The following C9 variants were observed in gnomAD, a reference collection of about 807,000 sequenced individuals.
C9 encodes complement C9.
C9 carries 63 observed loss-of-function variants against 65.4 expected under a neutral mutation model. The observed-to-expected ratio is 0.96, with a 90% CI of 0.79 to 1.19. C9 has a LOEUF of 1.19. C9 is among the 50% of genes most tolerant of loss of function. C9 has a pLI of 0.00. For missense variants in C9, 744 were observed against 670.1 expected, an observed-to-expected ratio of 1.11 and a Z score of -1.22; for synonymous variants, 229 against 227.9, an observed-to-expected ratio of 1.00 and a Z score of -0.04.
chr5:39,306,582 A>C (rs781203587), intron 9 of C9, 35 bp downstream of exon 9: 12 of 1,523,722 alleles, frequency 7.9e-6, no homozygotes, highest in Non-Finnish European at 1.1e-5. Context: ...AAAAAATGAC[A>C]CAGTCTTCTG....
chr5:39,304,648 T>G (rs1031753017), intron 9 of C9, among the ~76,000 whole-genome samples: 1 of 152,178 alleles, frequency 6.6e-6, no homozygotes, highest in African/African-American at 2.4e-5. Context: ...ATTTAAAAAG[T>G]GGTCCATAGT....
rs73078514 is a variant in C9 at position 39,330,653 on chromosome 5, G to T, written c.615+1023C>A. 3.3e-5 allele frequency among the ~76,000 whole-genome samples: 5 copies of T among 152,266 alleles called. No homozygotes were observed. In the East Asian group the frequency reaches 9.6e-4, roughly 29 times the overall value. On this transcript the variant is annotated intron_variant, in intron 5 of 10. Coordinates refer to ENST00000263408, the MANE Select transcript of C9 (RefSeq NM_001737.5). Reference sequence around the variant, plus strand: ...ATCACAAAAATCTGTGCTTAAAGAAGTTTAACCTGGCATTATTGGGGAAAA... The same window carrying T: ...ATCACAAAAATCTGTGCTTAAAGAATTTTAACCTGGCATTATTGGGGAAAA...
intron 1 of C9, among the ~76,000 whole-genome samples, chr5:39,347,758 G>C (rs1377986278): frequency 6.6e-6 from 1 of 152,092 alleles, no homozygotes; most frequent in African/African-American, 2.4e-5. Context: ...CATGCTACCT[G>C]ACTTCAAACT....
At position 39,311,302 on chromosome 5, in the gene C9, T is replaced by A; in HGVS notation, c.946A>T (p.Thr316Ser). 1.2e-6 allele frequency: 2 copies of A among 1,613,674 alleles called. No homozygotes were observed. Among genetic ancestry groups the A allele is most frequent in the Non-Finnish European group, 1.7e-6 (2 of 1,179,618 alleles). The change falls in exon 7 of 11, where the codon ACA becomes TCA. Residue 316 changes from threonine to serine, a missense_variant. Thr to Ser is a moderately conservative substitution (Grantham distance 58). Transcript: ENST00000263408. Reference protein sequence around the residue: ...FVMRNRDVVLTTTFVDDIKAL... With the variant: ...FVMRNRDVVLSTTFVDDIKAL... ...TTTATATCATCCACAAAAGTTGTTG[T>A]GAGCACAACATCGCGATTTCTCATT...
At chr5:39,328,483 T>A (rs926886050) in intron 5 of C9, among the ~76,000 whole-genome samples, 1 of 152,218 alleles carries the variant, frequency 6.6e-6, no homozygotes, top group Non-Finnish European at 1.5e-5. Context: ...TTCTCTTTAG[T>A]GTTCAGCAGT....
At chr5:39,302,867 A>G (rs1331340347) in intron 9 of C9, among the ~76,000 whole-genome samples, 1 of 152,212 alleles carries the variant, frequency 6.6e-6, no homozygotes, top group Non-Finnish European at 1.5e-5. Context: ...CCAATCAGGT[A>G]GAAGAACTCA....
intron 1 of C9, among the ~76,000 whole-genome samples, chr5:39,344,916 A>G (rs1030404220): frequency 3.3e-5 from 5 of 152,222 alleles, no homozygotes; most frequent in African/African-American, 1.2e-4. Context: ...ATATCCAGCC[A>G]AACTAAGCTT....
At chr5:39,359,611 G>A (rs1754479042) in intron 1 of C9, among the ~76,000 whole-genome samples, 1 of 152,130 alleles carries the variant, frequency 6.6e-6, no homozygotes, top group East Asian at 1.9e-4. Context: ...TTCAGTAAAA[G>A]GGAGGTATTG....
intron 5 of C9, among the ~76,000 whole-genome samples, chr5:39,326,975 G>A (rs1040842593): frequency 1.3e-5 from 2 of 151,510 alleles, no homozygotes; most frequent in Non-Finnish European, 2.9e-5. Flanking sequence ...ATCTAGCATA[G>A]TATACAATAT....
intron 5 of C9, among the ~76,000 whole-genome samples, chr5:39,316,655 A>C (rs1282321387): frequency 6.6e-6 from 1 of 152,160 alleles, no homozygotes; most frequent in African/African-American, 2.4e-5. Flanking sequence ...GCTCCATCCA[A>C]GTCCCTGCAA....
chr5:39,341,235 T>G lies in C9; in HGVS notation c.387A>C (p.Ser129=), dbSNP rs147450097. 4.3e-3 allele frequency: 6,888 copies of G among 1,614,184 alleles called. 25 individuals are homozygous for G. The highest frequency in any genetic ancestry group is 4.6e-3 in the Non-Finnish European group (5,439 of 1,180,026). The stretch of plus-strand genomic sequence containing the variant: ...GCTCACTTTCACAATCATCCTCATC[T>G]GAAAAGTCTCCGCAGTCATTGTCAC... The part of the protein sequence containing the change: ...CNGDNDCGDF[S]DEDDCESEPR... The change falls in exon 4 of 11, where the codon TCA becomes TCC. Residue 129 remains serine (S), a synonymous_variant. Transcript: ENST00000263408.
At chr5:39,335,171 C>A (rs981808972) in intron 4 of C9, among the ~76,000 whole-genome samples, 2 of 152,150 alleles carry the variant, frequency 1.3e-5, no homozygotes, top group African/African-American at 2.4e-5. Flanking sequence ...GCTACTTTAA[C>A]AGAGACATTG....
At chr5:39,319,182 T>A (rs907298780) in intron 5 of C9, among the ~76,000 whole-genome samples, 1 of 152,180 alleles carries the variant, frequency 6.6e-6, no homozygotes, top group African/African-American at 2.4e-5. Context: ...GGAAAGCCCC[T>A]CCTGATATAA....
intron 1 of C9, among the ~76,000 whole-genome samples, chr5:39,355,401 G>T (rs190288768): frequency 2.0e-5 from 3 of 152,000 alleles, no homozygotes; most frequent in African/African-American, 7.2e-5. Flanking sequence ...ATAGGACCTC[G>T]TTGACTATGT....
At chr5:39,355,444 C>A (rs1231347320) in intron 1 of C9, among the ~76,000 whole-genome samples, 1 of 120,302 alleles carries the variant, frequency 8.3e-6, no homozygotes, top group Non-Finnish European at 1.9e-5. Context: ...TAGCTTCTAA[C>A]CCAAGGACTC....
chr5:39,294,697 T>C (rs1423532882), intron 9 of C9, among the ~76,000 whole-genome samples: 2 of 151,554 alleles, frequency 1.3e-5, no homozygotes, highest in East Asian at 3.9e-4. Context: ...TGAAGGGAAC[T>C]CTTCCTAACT....
intron 3 of C9, 46 bp downstream of exon 3, chr5:39,341,509 GA>G: frequency 1.2e-6 from 2 of 1,602,366 alleles, no homozygotes; most frequent in South Asian, 1.1e-5. Context: ...TTTCATTCAG[GA>G]AGGCACACAG....
rs1351250624 is a variant in C9 at position 39,364,474 on chromosome 5, G to T, written c.-10C>A. ...TCCGGCAGGCTGACATGCTGCTCTT[G>T]CTGGGTGGCTGCGAGTGGGGTGGCA... is the stretch of plus-strand genomic sequence containing the variant. On this transcript the variant is annotated 5_prime_UTR_variant, in exon 1 of 11. Coordinates refer to ENST00000263408, the MANE Select transcript of C9 (RefSeq NM_001737.5). 2 of 1,584,676 alleles carry T rather than the reference G, an allele frequency of 1.3e-6. No homozygotes were observed. The highest frequency in any genetic ancestry group is 1.3e-5 in the African/African-American group (1 of 74,442).
At chr5:39,341,322 G>A in intron 3 of C9, 29 bp from the exon 4 acceptor site, 8 of 1,611,504 alleles carry the variant, frequency 5.0e-6, no homozygotes, top group Non-Finnish European at 5.9e-6. Context: ...GAGACTCAAT[G>A]TATCTAATGT....
Sources: gnomAD v4.1 joint callset for allele counts (sites outside exome capture counted in the v4.1 genomes callset) on GRCh38, gnomAD v4.1.1 for gene constraint, MANE v1.5 for transcripts, NCBI Gene and HGNC (gene_info 2026-07-23, HGNC 2026-07-21) for gene names.